The following WBP1L variants were observed in gnomAD, a reference collection of about 807,000 sequenced individuals.
The protein encoded by WBP1L is WW domain binding protein 1 like.
In WBP1L, 17 loss-of-function variants were observed where a neutral mutation model predicts 33.7. That is an observed-to-expected ratio of 0.50 (90% CI 0.34 to 0.76). The LOEUF (loss-of-function observed/expected upper bound fraction) is 0.76, where lower values mean the gene tolerates loss of function less well. Ranked by LOEUF, WBP1L falls within the 30% of genes least tolerant of loss-of-function variation. The pLI is 0.01. For synonymous variants in WBP1L, 173 were observed against 190.8 expected, an observed-to-expected ratio of 0.91 and a Z score of 0.77; for missense variants, 389 against 469.4, an observed-to-expected ratio of 0.83 and a Z score of 1.58.
chr10:102,813,251 C>T lies in WBP1L; in HGVS notation c.1012C>T (p.Arg338Trp), dbSNP rs977976198. The change falls in exon 4 of 4, where the codon CGG (arginine) becomes TGG (tryptophan). Residue 338 changes from arginine (R) to tryptophan (W), a missense_variant. Transcript: ENST00000448841. ...AREPGHPHLP[R>W]PPACLLLNTI... is the part of the protein sequence containing the mutation. Reference sequence around the variant, plus strand: ...AGAGCCTGGGCACCCGCACCTGCCACGGCCGCCCGCATGCCTGCTGCTGAA... The same window carrying T: ...AGAGCCTGGGCACCCGCACCTGCCATGGCCGCCCGCATGCCTGCTGCTGAA... 22 of 1,612,938 alleles carry T rather than the reference C, an allele frequency of 1.4e-5. No individual in the cohort carries two copies. The highest frequency in any genetic ancestry group is 8.9e-5 in the East Asian group (4 of 44,870).
chr10:102,799,344 T>C (rs1182201972), intron 2 of WBP1L, among the ~76,000 whole-genome samples: 1 of 149,414 alleles, frequency 6.7e-6, no homozygotes, highest in African/African-American at 2.5e-5. Flanking sequence ...AAAAGAAAAA[T>C]GCCATGTGGA....
intron 1 of WBP1L, among the ~76,000 whole-genome samples, chr10:102,774,607 T>G (rs1394961138): frequency 6.6e-6 from 1 of 152,248 alleles, no homozygotes; most frequent in African/African-American, 2.4e-5. Context: ...GGCACCTCAC[T>G]GTGCTGTACG....
At chr10:102,757,569 C>CTTTT (rs60213859) in intron 1 of WBP1L, among the ~76,000 whole-genome samples, 14,497 of 88,508 alleles carry the variant, frequency 0.16, 1,373 homozygotes, top group East Asian at 0.22. Flanking sequence ...GTTTCTGAGC[C>CTTTT]TTTTTTTTTT....
At chr10:102,769,691 C>T (rs976070521) in intron 1 of WBP1L, among the ~76,000 whole-genome samples, 5 of 152,212 alleles carry the variant, frequency 3.3e-5, no homozygotes, top group Admixed American at 2.0e-4. Context: ...GAGATTCTGG[C>T]TGCACTGCCT....
intron 1 of WBP1L, among the ~76,000 whole-genome samples, chr10:102,773,238 C>G (rs1358895462): frequency 1.3e-5 from 2 of 152,100 alleles, no homozygotes; most frequent in African/African-American, 4.8e-5. Context: ...TCTCCTCACC[C>G]CTCAGATATC....
intron 1 of WBP1L, among the ~76,000 whole-genome samples, chr10:102,789,569 CATT>C: frequency 6.6e-6 from 1 of 152,220 alleles, no homozygotes. Context: ...CTCTTTGTCT[CATT>C]ATCGTGTTTT....
chr10:102,744,169 A>AT (rs1393102849), intron 1 of WBP1L, 26 bp downstream of exon 1: 2 of 1,538,930 alleles, frequency 1.3e-6, no homozygotes, highest in Non-Finnish European at 1.8e-6. Flanking sequence ...CGTCTGGGCC[A>AT]TGTTGGGTCC....
chr10:102,743,973 G>GT lies in WBP1L; in HGVS notation c.-81_-80insT, dbSNP rs1564750554. ...GTCAAACAGGAAAAGAAGGGAAGAA[G>GT]GAAGAAGAGGGTAGAGGAGGAGAGG... On this transcript the variant is annotated 5_prime_UTR_variant, in exon 1 of 4. Transcript: ENST00000448841. 2 of 1,084,268 alleles carry GT rather than the reference G, an allele frequency of 1.8e-6. No homozygotes were observed. The highest frequency in any genetic ancestry group is 5.0e-5 in the Admixed American group (2 of 40,284). 67.2% of individuals were successfully genotyped at this position (1,084,268 alleles called of 1,614,324 possible). A position where few individuals can be genotyped will look rare whatever the true frequency, so the allele number is the denominator to read the frequency against.
At position 102,797,829 on chromosome 10, in the gene WBP1L, G is replaced by A. The variant is rs186635370; in HGVS notation, c.91-164G>A. Among the ~76,000 whole-genome samples the A allele has an allele frequency of 3.2e-3, 487 of 152,296 alleles. 4 individuals are homozygous for A. Among genetic ancestry groups the A allele is most frequent in the African/African-American group, 0.011 (465 of 41,578 alleles). ...GCCTCCCAAAGTGCTGGCAATACAG[G>A]TGTGAGCCACCGCGCCTGGCCAAAG... On this transcript the variant is annotated intron_variant, in intron 1 of 3. Coordinates refer to ENST00000448841, the MANE Select transcript of WBP1L (RefSeq NM_001083913.2).
At chr10:102,757,886 C>A (rs60620433) in intron 1 of WBP1L, among the ~76,000 whole-genome samples, 6 of 30,882 alleles carry the variant, frequency 1.9e-4, no homozygotes, top group East Asian at 1.3e-3. Flanking sequence ...TCCCCCCCCC[C>A]CTTTTTTTTT....
At chr10:102,789,578 G>A (rs1221805514) in intron 1 of WBP1L, among the ~76,000 whole-genome samples, 1 of 151,932 alleles carries the variant, frequency 6.6e-6, no homozygotes, top group Non-Finnish European at 1.5e-5. Context: ...TCATTATCGT[G>A]TTTTATTATC....
intron 1 of WBP1L, chr10:102,744,470 A>T: frequency 1.0e-6 from 1 of 985,310 alleles, no homozygotes. Flanking sequence ...TCTGTGGAGC[A>T]GGTGTCCCAG....
At chr10:102,775,548 C>T (rs1260217478) in intron 1 of WBP1L, among the ~76,000 whole-genome samples, 1 of 152,116 alleles carries the variant, frequency 6.6e-6, no homozygotes, top group East Asian at 1.9e-4. Context: ...TTTTATAAGA[C>T]AAGTGAGGAA....
Position 102,773,842 on chromosome 10 carries a change from C to T in WBP1L, c.91-24151C>T, listed in dbSNP as rs1336066397. 6.0e-5 allele frequency among the ~76,000 whole-genome samples: 9 copies of T among 149,438 alleles called. No homozygotes were observed. In the Admixed American group the frequency reaches 6.0e-4, roughly 10 times the overall value. ...TGAGCCTAGGGTGACAGAACAAAAC[C>T]CTATCTCTTAAAAAAACAAAACAAA... On this transcript the variant is annotated intron_variant, in intron 1 of 3. Transcript: ENST00000448841.
At position 102,809,927 on chromosome 10, in the gene WBP1L, G is replaced by C. The variant is rs748797157; in HGVS notation, c.228G>C (p.Leu76=). 4 of 1,613,618 alleles carry C rather than the reference G, an allele frequency of 2.5e-6. No individual in the cohort carries two copies. In the South Asian group the frequency reaches 4.4e-5, roughly 18 times the overall value. ...TGGTGTGGACCATCATCATCATCCT[G>C]AGCTGCTGCTGTGTTTGCCACCACC... ...FWLVWTIIII[L]SCCCVCHHRR... Residue 76 remains leucine (L), a synonymous_variant, in exon 3 of 4, where the codon CTG becomes CTC. Coordinates refer to ENST00000448841, the MANE Select transcript of WBP1L (RefSeq NM_001083913.2).
chr10:102,757,520 C>T (rs1345776616), intron 1 of WBP1L, among the ~76,000 whole-genome samples: 1 of 150,384 alleles, frequency 6.6e-6, no homozygotes. Context: ...CTTCTGTCCC[C>T]AACCTCCATT....
At chr10:102,761,796 A>C (rs1189562007) in intron 1 of WBP1L, among the ~76,000 whole-genome samples, 1 of 151,432 alleles carries the variant, frequency 6.6e-6, no homozygotes, top group Non-Finnish European at 1.5e-5. Flanking sequence ...TGATCCACCC[A>C]CCTCGGCCTC....
Position 102,816,033 on chromosome 10 carries a change from AGGGTTTGGTG to A in WBP1L, c.*2703_*2712del, listed in dbSNP as rs1486606764. The A allele has an allele frequency of 1.3e-5, 2 of 152,638 alleles. No homozygotes were observed. Among genetic ancestry groups the A allele is most frequent in the African/African-American group, 4.8e-5 (2 of 41,448 alleles). 9.5% of individuals were successfully genotyped at this position (152,638 alleles called of 1,614,324 possible). A position where few individuals can be genotyped will look rare whatever the true frequency, so the allele number is the denominator to read the frequency against. ...CACGTGAATGAGACGGGGTCGGTGG[AGGGTTTGGTG>A]CTACAGCCAGTCAGAAGATTTGCAA... On this transcript the variant is annotated 3_prime_UTR_variant, in exon 4 of 4. Coordinates refer to ENST00000448841, the MANE Select transcript of WBP1L (RefSeq NM_001083913.2).
intron 1 of WBP1L, among the ~76,000 whole-genome samples, chr10:102,794,436 G>A (rs1340390511): frequency 1.3e-5 from 2 of 151,738 alleles, no homozygotes; most frequent in South Asian, 2.1e-4. Flanking sequence ...TCAAAATCAC[G>A]CCACTGCATA....
Sources: allele counts gnomAD v4.1 joint callset (sites outside exome capture counted in the v4.1 genomes callset), GRCh38; gene constraint gnomAD v4.1.1; transcripts MANE v1.5; gene names NCBI Gene and HGNC (gene_info 2026-07-23, HGNC 2026-07-21).